ACAD8: variants seen among roughly 807,000 people sequenced by gnomAD.
ACAD8 encodes acyl-CoA dehydrogenase family member 8, also known as isobutyryl-CoA dehydrogenase, mitochondrial.
A neutral mutation model predicts 53.1 loss-of-function variants in ACAD8; 47 were observed. That is an observed-to-expected ratio of 0.89 (90% CI 0.70 to 1.13). The LOEUF is 1.13. Ranked by LOEUF, ACAD8 falls within the 50% of genes most tolerant of loss-of-function variation. The pLI is 0.00. For synonymous variants in ACAD8, 198 were observed against 201.3 expected (o/e 0.98, Z 0.14); for missense variants, 494 against 535.0 (o/e 0.92, Z 0.76).
At chr11:134,258,269 A>C in intron 3 of ACAD8, 1 of 561,540 alleles carries the variant, frequency 1.8e-6, no homozygotes, top group South Asian at 2.0e-5. Context: ...ACCTAACTAG[A>C]AGTAGTACAA....
intron 6 of ACAD8, chr11:134,260,002 T>C: frequency 6.8e-6 from 9 of 1,317,492 alleles, no homozygotes; most frequent in Non-Finnish European, 8.8e-6. Context: ...CTCCTGCCTC[T>C]GCTTTTGGCC....
chr11:134,257,671 C>G (rs1455625033), intron 3 of ACAD8: 2 of 275,732 alleles, frequency 7.3e-6, no homozygotes, highest in African/African-American at 4.4e-5. Context: ...GACTCCATCT[C>G]AAAAAAAATA....
At chr11:134,254,324 T>C (rs1383297758) in intron 1 of ACAD8, among the ~76,000 whole-genome samples, 4 of 152,210 alleles carry the variant, frequency 2.6e-5, no homozygotes, top group Non-Finnish European at 4.4e-5. Context: ...TTGAAACTCA[T>C]GCAGGAAAAA....
chr11:134,262,211 A>T (rs1939922530), intron 9 of ACAD8: 1 of 648,162 alleles, frequency 1.5e-6, no homozygotes, highest in Non-Finnish European at 2.8e-6. Flanking sequence ...CTGCATTGCC[A>T]CTAGGGGGAA....
intron 6 of ACAD8, chr11:134,260,219 T>C: frequency 9.2e-7 from 1 of 1,082,036 alleles, no homozygotes; most frequent in African/African-American, 1.7e-5. Flanking sequence ...CTGTAAGTAA[T>C]TTGAAAAGTA....
chr11:134,260,295 C>T (rs12226809), intron 6 of ACAD8: 190,006 of 685,136 alleles, frequency 0.28, 27,405 homozygotes, highest in East Asian at 0.36. Flanking sequence ...ATCATGTAAC[C>T]GTAATTGGTA....
At position 134,265,054 on chromosome 11, in the gene ACAD8, T is replaced by G. The variant is rs1233216891; in HGVS notation, c.*94T>G. On this transcript the variant is annotated 3_prime_UTR_variant, in exon 11 of 11. Coordinates refer to ENST00000281182, the MANE Select transcript of ACAD8 (RefSeq NM_014384.3). ...GCTCTATTCCAAAGGAATCATGGAT[T>G]AGACCCAAGGGCTGAGCTCCTCTAG... 2 of 1,399,156 alleles carry G rather than the reference T, an allele frequency of 1.4e-6. No homozygotes were observed. The highest frequency in any genetic ancestry group is 2.8e-5 in the African/African-American group (2 of 70,494). The allele number at this position is 1,399,156 out of a possible 1,614,324, so 86.7% of individuals were successfully genotyped here.
chr11:134,255,016 A>T (rs181364669), intron 1 of ACAD8, among the ~76,000 whole-genome samples: 1 of 152,370 alleles, frequency 6.6e-6, no homozygotes, highest in East Asian at 1.9e-4. Context: ...TTTATTTCTT[A>T]AGCCTGTGGT....
At chr11:134,258,486 T>C (rs759776882) in intron 3 of ACAD8, 29 bp from the exon 4 acceptor site, 2 of 1,501,318 alleles carry the variant, frequency 1.3e-6, no homozygotes, top group South Asian at 1.1e-5. Context: ...ATTTCTGTCA[T>C]TGTCTTTTCT....
At chr11:134,258,955 C>T (rs369797883) in intron 4 of ACAD8, 53 bp from the exon 5 acceptor site, 27 of 1,446,506 alleles carry the variant, frequency 1.9e-5, no homozygotes, top group Admixed American at 3.3e-5. Flanking sequence ...TGGGCTCCCT[C>T]GACCTCACTG....
At position 134,253,664 on chromosome 11, in the gene ACAD8, G is replaced by T. The variant is rs1274417206; in HGVS notation, c.64G>T (p.Val22Phe). 3 of 1,599,488 alleles carry T rather than the reference G, an allele frequency of 1.9e-6. No individual in the cohort carries two copies. The highest frequency in any genetic ancestry group is 2.6e-6 in the Non-Finnish European group (3 of 1,174,450). Residue 22 changes from valine to phenylalanine, a missense_variant, in exon 1 of 11, where the codon GTC (valine) becomes TTC (phenylalanine). By Grantham distance (50) the Val-to-Phe change is conservative. Transcript: ENST00000281182. ...CGGCTGCCTGCCCGGCGGTCTCCGG[G>T]TCCTCGTCCAGACCGGCCACCGGAG... is the stretch of plus-strand genomic sequence containing the variant. ...RLGCLPGGLR[V>F]LVQTGHRSLT...
In ACAD8 at chr11:134,257,225, C is replaced by T. The variant is rs768701760; in HGVS notation, c.348C>T (p.Cys116=). The T allele has an allele frequency of 3.7e-6, 6 of 1,614,018 alleles. No homozygotes were observed. The highest frequency in any genetic ancestry group is 5.1e-6 in the Non-Finnish European group (6 of 1,180,034). The stretch of plus-strand genomic sequence containing the variant: ...TTTTTGAAGCCTTGGCTACAGGCTG[C>T]ACCAGCACCACAGCCTATATAAGCA... ...SVIFEALATG[C]TSTTAYISIH... Residue 116 remains cysteine, a synonymous_variant, in exon 3 of 11, where the codon TGC becomes TGT. Transcript: ENST00000281182.
intron 6 of ACAD8, chr11:134,260,691 G>A (rs1182803904): frequency 5.4e-6 from 2 of 367,416 alleles, no homozygotes; most frequent in Non-Finnish European, 1.0e-5. Flanking sequence ...TTCAGAGCCA[G>A]AGAGGAACTG....
chr11:134,260,274 G>A (rs752491638), intron 6 of ACAD8: 154 of 919,666 alleles, frequency 1.7e-4, no homozygotes, highest in Admixed American at 6.5e-4. Flanking sequence ...GGCATGAACA[G>A]GAGACTTGTG....
intron 10 of ACAD8, chr11:134,263,454 A>G (rs185413569): frequency 1.8e-5 from 18 of 983,680 alleles, no homozygotes; most frequent in Middle Eastern, 5.2e-4. Context: ...GGGAATTTGT[A>G]TCTGCAACAA....
At chr11:134,256,778 C>T (rs1461539709) in intron 2 of ACAD8, 130 bp downstream of exon 2, 6 of 834,234 alleles carry the variant, frequency 7.2e-6, no homozygotes, top group East Asian at 2.6e-5. Flanking sequence ...GTGAGAATAC[C>T]GGTAGTGGAT....
chr11:134,261,189 G>C lies in ACAD8; in HGVS notation c.841+10G>C. 6.2e-7 allele frequency: 1 copy of C among 1,613,770 alleles called. No homozygotes were observed. The highest frequency in any genetic ancestry group is 8.5e-7 in the Non-Finnish European group (1 of 1,179,884). On this transcript the variant is annotated intron_variant, in intron 7 of 10. Coordinates refer to ENST00000281182, the MANE Select transcript of ACAD8 (RefSeq NM_014384.3). This position sits in a 1 kb window ranked among gnomAD's most constrained non-coding sequence, Gnocchi z 4.2. Reference sequence around the variant, plus strand: ...GGGAGGATCAATATTGGTGAGATACGCAGGGGTGTGGCAGGGAGGTAGCGG... The same window carrying C: ...GGGAGGATCAATATTGGTGAGATACCCAGGGGTGTGGCAGGGAGGTAGCGG...
chr11:134,254,740 C>T (rs1453513788), intron 1 of ACAD8, among the ~76,000 whole-genome samples: 1 of 152,208 alleles, frequency 6.6e-6, no homozygotes, highest in Non-Finnish European at 1.5e-5. Flanking sequence ...CTTGCTTACA[C>T]TTGAGTGGCT....
intron 10 of ACAD8, chr11:134,263,172 G>T: frequency 1.9e-6 from 2 of 1,069,732 alleles, no homozygotes; most frequent in Non-Finnish European, 2.3e-6. Context: ...CGGGCTCGGA[G>T]CCTGGCTGTC....
Sources: allele counts gnomAD v4.1 joint callset (sites outside exome capture counted in the v4.1 genomes callset), GRCh38; gene constraint gnomAD v4.1.1; non-coding constraint Gnocchi (gnomAD v3.1); transcripts MANE v1.5; gene names NCBI Gene and HGNC (gene_info 2026-07-23, HGNC 2026-07-21).